The following KCTD3 variants were observed in gnomAD, a reference collection of about 807,000 sequenced individuals.
KCTD3 encodes potassium channel tetramerization domain containing 3, also known as BTB/POZ domain-containing protein KCTD3.
In KCTD3, 41 loss-of-function variants were observed where a neutral mutation model predicts 85.8. The observed-to-expected ratio is 0.48, with a 90% CI of 0.37 to 0.62. KCTD3 has a LOEUF of 0.62. Ranked by LOEUF, KCTD3 falls within the 20% of genes least tolerant of loss-of-function variation. The pLI, the probability that KCTD3 is intolerant of heterozygous loss-of-function variation, is 0.00. For missense variants in KCTD3, 724 were observed against 989.9 expected, an observed-to-expected ratio of 0.73 and a Z score of 3.60; for synonymous variants, 338 against 345.4, an observed-to-expected ratio of 0.98 and a Z score of 0.24.
intron 1 of KCTD3, among the ~76,000 whole-genome samples, chr1:215,568,252 A>G (rs766380685): frequency 2.6e-5 from 4 of 151,950 alleles, no homozygotes; most frequent in Non-Finnish European, 5.9e-5. Flanking sequence ...GGGGATTTGT[A>G]ATTTGAAAGA....
intron 10 of KCTD3, among the ~76,000 whole-genome samples, chr1:215,598,422 A>G (rs1654695430): frequency 6.6e-6 from 1 of 152,198 alleles, no homozygotes. Flanking sequence ...CTGATCTAGG[A>G]CTATTGACAT....
At chr1:215,573,875 C>A (rs1234051893) in intron 2 of KCTD3, 36 bp downstream of exon 2, 2 of 1,239,484 alleles carry the variant, frequency 1.6e-6, no homozygotes, top group Admixed American at 2.1e-5. Flanking sequence ...TATTTTAATA[C>A]ATTTATTTAC....
In KCTD3 at chr1:215,619,071, G is replaced by A; in HGVS notation, c.1747+1G>A. On this transcript the variant is annotated splice_donor_variant, in intron 16 of 17. Coordinates refer to ENST00000259154, the MANE Select transcript of KCTD3 (RefSeq NM_016121.5). LOFTEE classifies it high-confidence loss of function. ...ATGGTTAACAAAAGTGAAGATAAGG[G>A]TAGGTTCTCATACAGAAAGATGTTT... 1 of 1,611,368 alleles carries A rather than the reference G, an allele frequency of 6.2e-7. No individual in the cohort carries two copies. The highest frequency in any genetic ancestry group is 8.5e-7 in the Non-Finnish European group (1 of 1,178,534).
At chr1:215,571,911 G>A (rs570493557) in intron 1 of KCTD3, among the ~76,000 whole-genome samples, 106 of 152,178 alleles carry the variant, frequency 7.0e-4, no homozygotes, top group Non-Finnish European at 8.4e-4. Flanking sequence ...GATTACAGGC[G>A]TGAGCCACCG....
At chr1:215,618,083 G>A (rs1344866938) in intron 15 of KCTD3, 3 of 465,620 alleles carry the variant, frequency 6.4e-6, no homozygotes, top group African/African-American at 4.0e-5. Context: ...CTTCTCTCTT[G>A]TCAGTCTGTG....
intron 9 of KCTD3, among the ~76,000 whole-genome samples, chr1:215,589,842 G>A (rs555985104): frequency 1.1e-4 from 17 of 152,214 alleles, no homozygotes; most frequent in African/African-American, 3.6e-4. Context: ...CCATTCACCC[G>A]TTGATAGACA....
chr1:215,595,067 TATCA>T (rs1660365971), intron 9 of KCTD3, among the ~76,000 whole-genome samples: 1 of 152,220 alleles, frequency 6.6e-6, no homozygotes, highest in South Asian at 2.1e-4. Flanking sequence ...ATTTTAAATC[TATCA>T]ATCAGGTTAT....
At chr1:215,569,626 C>T (rs1256902625) in intron 1 of KCTD3, among the ~76,000 whole-genome samples, 3 of 133,968 alleles carry the variant, frequency 2.2e-5, no homozygotes, top group South Asian at 2.5e-4. Context: ...GACAGAGTCT[C>T]GCTCTGTCAT....
At position 215,567,568 on chromosome 1, in the gene KCTD3, TC is replaced by T. The variant is rs1042897354; in HGVS notation, c.-116del. 67 of 477,830 alleles carry T rather than the reference TC, an allele frequency of 1.4e-4. No individual in the cohort carries two copies. The highest frequency in any genetic ancestry group is 1.9e-4 in the Non-Finnish European group (60 of 319,658). The allele number at this position is 477,830 out of a possible 1,614,324, so 29.6% of individuals were successfully genotyped here. A position where few individuals can be genotyped will look rare whatever the true frequency, so the allele number is the denominator to read the frequency against. On this transcript the variant is annotated 5_prime_UTR_variant, in exon 1 of 18. Coordinates refer to ENST00000259154, the MANE Select transcript of KCTD3 (RefSeq NM_016121.5). The stretch of plus-strand genomic sequence containing the variant: ...GGGAAGCCCCGTGCACCCCCCGCCC[TC>T]CGGCCGCCGCCGCCCCGCTGGCCCT...
intron 5 of KCTD3, 36 bp downstream of exon 5, chr1:215,577,764 G>T: frequency 6.8e-7 from 1 of 1,466,214 alleles, no homozygotes; most frequent in South Asian, 1.1e-5. Flanking sequence ...TTTATGATTT[G>T]ACTCATGTAT....
intron 15 of KCTD3, among the ~76,000 whole-genome samples, chr1:215,616,514 A>G (rs534652611): frequency 6.2e-4 from 95 of 152,250 alleles, no homozygotes; most frequent in African/African-American, 2.2e-3. Context: ...TAATCCCAGC[A>G]CTTTGGGAGG....
Position 215,612,977 on chromosome 1 carries a change from G to C in KCTD3, c.1562+1056G>C, listed in dbSNP as rs73087422. ...GGGAACAACACACAACAAGGAGCCT[G>C]TTGGGGGTGAGCGGGGCCGGGGAGA... On this transcript the variant is annotated intron_variant, in intron 15 of 17. Coordinates refer to ENST00000259154, the MANE Select transcript of KCTD3 (RefSeq NM_016121.5). Among the ~76,000 whole-genome samples the C allele has an allele frequency of 3.6e-3, 541 of 152,264 alleles. 4 individuals are homozygous for C. The highest frequency in any genetic ancestry group is 0.013 in the African/African-American group (527 of 41,560).
intron 13 of KCTD3, 38 bp downstream of exon 13, chr1:215,604,340 C>T (rs1050790977): frequency 6.6e-7 from 1 of 1,507,132 alleles, no homozygotes; most frequent in African/African-American, 1.4e-5. Context: ...GAACTTGGCT[C>T]TGTGTGTTAT....
chr1:215,576,876 T>C (rs909422688), intron 4 of KCTD3, among the ~76,000 whole-genome samples: 1 of 152,124 alleles, frequency 6.6e-6, no homozygotes. Flanking sequence ...ACACAAAGTT[T>C]TAAGCATTTT....
At chr1:215,605,507 T>C (rs560031106) in intron 13 of KCTD3, among the ~76,000 whole-genome samples, 8 of 152,238 alleles carry the variant, frequency 5.3e-5, no homozygotes, top group African/African-American at 1.7e-4. Flanking sequence ...ATCTGCACTT[T>C]CCTAGTTATT....
intron 9 of KCTD3, among the ~76,000 whole-genome samples, chr1:215,595,110 A>G (rs1460232854): frequency 1.3e-5 from 2 of 152,192 alleles, no homozygotes; most frequent in Admixed American, 1.3e-4. Context: ...TTAGGAACCA[A>G]GCTTCAGGAT....
At chr1:215,576,744 A>G (rs1053416128) in intron 4 of KCTD3, among the ~76,000 whole-genome samples, 1 of 151,492 alleles carries the variant, frequency 6.6e-6, no homozygotes, top group African/African-American at 2.4e-5. Context: ...ATTTTTTTGT[A>G]TTTTTAGTAG....
chr1:215,591,154 ACTC>A (rs1660190112), intron 9 of KCTD3, among the ~76,000 whole-genome samples: 1 of 151,742 alleles, frequency 6.6e-6, no homozygotes, highest in African/African-American at 2.4e-5. Flanking sequence ...AGTTGGAACT[ACTC>A]CATCTACCCA....
At chr1:215,586,427 C>T (rs1377354993) in intron 8 of KCTD3, 68 bp from the exon 9 acceptor site, 12 of 1,211,270 alleles carry the variant, frequency 9.9e-6, no homozygotes, top group South Asian at 3.5e-5. Flanking sequence ...GTTTTTGGTG[C>T]ATTGATGTGT....
Sources: allele counts gnomAD v4.1 joint callset (sites outside exome capture counted in the v4.1 genomes callset), GRCh38; gene constraint gnomAD v4.1.1; transcripts MANE v1.5; gene names NCBI Gene and HGNC (gene_info 2026-07-23, HGNC 2026-07-21).